Variants in LYST observed in about 807,000 individuals in gnomAD.
The protein encoded by LYST is lysosomal trafficking regulator, also known as lysosomal-trafficking regulator.
A neutral mutation model predicts 413.6 loss-of-function variants in LYST; 192 were observed. That is an observed-to-expected ratio of 0.46 (90% CI 0.41 to 0.52). The LOEUF (loss-of-function observed/expected upper bound fraction) is 0.52, where lower values mean the gene tolerates loss of function less well. Ranked by LOEUF, LYST falls within the 20% of genes least tolerant of loss-of-function variation. The probability of loss-of-function intolerance (pLI) is 0.00; values close to 1 mark genes in which losing one functional copy is unlikely to be tolerated. For missense variants in LYST, 3,815 were observed against 4,499.9 expected (o/e 0.85, Z 4.35); for synonymous variants, 1,525 against 1,567.3 (o/e 0.97, Z 0.64).
At chr1:235,681,575 G>A (rs561099730) in intron 48 of LYST, among the ~76,000 whole-genome samples, 161 of 152,276 alleles carry the variant, frequency 1.1e-3, no homozygotes, top group Non-Finnish European at 1.9e-3. Flanking sequence ...GGTCAACATA[G>A]GGACCCAGGC....
chr1:235,740,410 C>T (rs1665255765), intron 31 of LYST, among the ~76,000 whole-genome samples: 1 of 152,146 alleles, frequency 6.6e-6, no homozygotes, highest in Non-Finnish European at 1.5e-5. Flanking sequence ...TCTTTCCAGT[C>T]AATTCCCTTT....
intron 21 of LYST, among the ~76,000 whole-genome samples, chr1:235,765,255 T>C (rs910553132): frequency 6.6e-6 from 1 of 152,340 alleles, no homozygotes; most frequent in South Asian, 2.1e-4. Flanking sequence ...TCCAGAGTCA[T>C]TCCATCCTAA....
chr1:235,837,776 A>G (rs1252753292), intron 1 of LYST, among the ~76,000 whole-genome samples: 1 of 152,144 alleles, frequency 6.6e-6, no homozygotes, highest in African/African-American at 2.4e-5. Context: ...AATGAAGGCA[A>G]GCAATTTAAA....
chr1:235,866,658 G>A (rs543334974), intron 1 of LYST, among the ~76,000 whole-genome samples, 185 bp downstream of exon 1: 27 of 152,018 alleles, frequency 1.8e-4, no homozygotes, highest in Non-Finnish European at 3.7e-4. Context: ...AAGCCAGAGA[G>A]GACGCCCCGA....
intron 1 of LYST, among the ~76,000 whole-genome samples, chr1:235,839,256 T>C (rs970121098): frequency 7.9e-6 from 1 of 126,918 alleles, no homozygotes; most frequent in Admixed American, 7.3e-5. Context: ...TGCATATATA[T>C]ATATACAGTT....
rs1398913303 is a variant in LYST, at chr1:235,737,925, C to T, written c.8359-3266G>A. 8 of 1,158,670 alleles carry T rather than the reference C, an allele frequency of 6.9e-6. No individual in the cohort carries two copies. In the East Asian group the frequency reaches 3.3e-4, roughly 48 times the overall value. 71.8% of individuals were successfully genotyped at this position (1,158,670 alleles called of 1,614,324 possible). On this transcript the variant is annotated intron_variant, in intron 31 of 52. Transcript: ENST00000389793. ...GGAGCCGCTGCCGACGAGTCTGGAT[C>T]TCACTGCCGCGTGCCCCAACACCCG...
upstream of LYST, among the ~76,000 whole-genome samples, chr1:235,867,217 G>A (rs191671702): frequency 6.6e-6 from 1 of 152,248 alleles, no homozygotes; most frequent in Non-Finnish European, 1.5e-5. Context: ...CCTCCTCCCA[G>A]GGCTCTGCGT....
chr1:235,672,210 T>C (rs1658997247), intron 50 of LYST, among the ~76,000 whole-genome samples: 1 of 152,208 alleles, frequency 6.6e-6, no homozygotes, highest in Admixed American at 6.5e-5. Context: ...GGCAATTAGA[T>C]ATCCAAGTCT....
At chr1:235,775,415 A>AT (rs1190469144) in intron 17 of LYST, among the ~76,000 whole-genome samples, 1 of 152,196 alleles carries the variant, frequency 6.6e-6, no homozygotes, top group African/African-American at 2.4e-5. Context: ...GGTAAGGGAG[A>AT]TAAAAAGAAG....
chr1:235,872,660 C>T (rs1680986132), intron 1 of LYST, among the ~76,000 whole-genome samples: 1 of 152,118 alleles, frequency 6.6e-6, no homozygotes, highest in South Asian at 2.1e-4. Flanking sequence ...GTGGCTCATA[C>T]CTGTAATCCC....
chr1:235,737,923 ATCTC>A, intron 31 of LYST: 2 of 1,173,448 alleles, frequency 1.7e-6, no homozygotes, highest in Admixed American at 4.3e-5. Context: ...ACGAGTCTGG[ATCTC>A]ACTGCCGCGT....
At chr1:235,737,940 C>CGTA in intron 31 of LYST, 1 of 1,199,870 alleles carries the variant, frequency 8.3e-7, no homozygotes, top group Non-Finnish European at 1.0e-6. Context: ...TGCCGCGTGC[C>CGTA]CCAACACCCG....
At chr1:235,691,697 C>CTATTT (rs774558822) in intron 47 of LYST, among the ~76,000 whole-genome samples, 1 of 138,204 alleles carries the variant, frequency 7.2e-6, no homozygotes, top group Non-Finnish European at 1.5e-5. Flanking sequence ...ATCAGATTCT[C>CTATTT]TCTTTTTTTT....
At chr1:235,758,854 T>G (rs879705725) in intron 23 of LYST, 118 bp downstream of exon 23, 9 of 848,862 alleles carry the variant, frequency 1.1e-5, no homozygotes, top group African/African-American at 3.4e-5. Context: ...TATAAAGAAA[T>G]AAACTTTTCT....
At position 235,762,846 on chromosome 1, in the gene LYST, T is replaced by C; in HGVS notation, c.6127A>G (p.Lys2043Glu). Residue 2043 changes from lysine (K) to glutamate (E), a missense_variant, in exon 22 of 53, where the codon AAG becomes GAG. By Grantham distance (56) the Lys-to-Glu change is moderately conservative. This residue lies in a region of LYST where 530 missense variants were observed against 696.5 expected (regional missense o/e 0.76). Coordinates refer to ENST00000389793, the MANE Select transcript of LYST (RefSeq NM_000081.4). The stretch of plus-strand genomic sequence containing the variant: ...GACCGCACTTTCTCCTGAAAGATCT[T>C]GCCATCTAGAATCCAAATTTTTTTT... ...NFYFSLHIDG[K>E]IFQEKVRSIM... 6.2e-7 allele frequency: 1 copy of C among 1,613,320 alleles called. No individual in the cohort carries two copies. The highest frequency in any genetic ancestry group is 8.5e-7 in the Non-Finnish European group (1 of 1,179,532).
chr1:235,862,956 AAAGGTG>A (rs1458131369), intron 1 of LYST, among the ~76,000 whole-genome samples: 1 of 152,198 alleles, frequency 6.6e-6, no homozygotes, highest in Non-Finnish European at 1.5e-5. Context: ...CTACAATGGC[AAAGGTG>A]AAGTAAGATC....
intron 45 of LYST, among the ~76,000 whole-genome samples, chr1:235,702,295 T>G (rs1342039527): frequency 6.6e-6 from 1 of 152,220 alleles, no homozygotes; most frequent in African/African-American, 2.4e-5. Context: ...AAGAAATATG[T>G]AAAGTTCCCC....
chr1:235,719,932 C>T (rs1234516305), intron 40 of LYST, among the ~76,000 whole-genome samples: 2 of 151,898 alleles, frequency 1.3e-5, no homozygotes, highest in African/African-American at 4.8e-5. Context: ...CATCTCAGCA[C>T]TTTGGGAGGC....
At chr1:235,697,949 G>A (rs756449814) in intron 45 of LYST, among the ~76,000 whole-genome samples, 3 of 152,174 alleles carry the variant, frequency 2.0e-5, no homozygotes, top group Non-Finnish European at 4.4e-5. Context: ...ACTCTAGAGA[G>A]ATACCCATTT....
Sources: allele counts gnomAD v4.1 joint callset (sites outside exome capture counted in the v4.1 genomes callset), GRCh38; gene constraint gnomAD v4.1.1; regional missense constraint gnomAD v4.1.1; transcripts MANE v1.5; gene names NCBI Gene and HGNC (gene_info 2026-07-23, HGNC 2026-07-21).